Variants in SCAPER observed in about 807,000 individuals in gnomAD.
The protein encoded by SCAPER is S-phase cyclin A associated protein in the ER, also known as S phase cyclin A-associated protein in the endoplasmic reticulum.
In SCAPER, 98 loss-of-function variants were observed where a neutral mutation model predicts 182.2. That is an observed-to-expected ratio of 0.54 (90% confidence interval 0.46 to 0.64). The LOEUF (loss-of-function observed/expected upper bound fraction) is 0.64. Ranked by LOEUF, SCAPER falls within the 30% of genes least tolerant of loss-of-function variation. The pLI, the probability that SCAPER is intolerant of heterozygous loss-of-function variation, is 0.00. For synonymous variants in SCAPER, 605 were observed against 564.6 expected, an observed-to-expected ratio of 1.07 and a Z score of -1.01; for missense variants, 1,432 against 1,690.0, an observed-to-expected ratio of 0.85 and a Z score of 2.68.
rs548453251 is a variant in SCAPER, at chr15:76,546,322, C to T, written c.2838+27836G>A. On this transcript the variant is annotated intron_variant, in intron 23 of 31. Transcript: ENST00000563290. ...CAAATATAAGAAAAAGATAATATAA[C>T]CAAAATCTATGTACCTACTGTCTAC... Among the ~76,000 whole-genome samples the T allele has an allele frequency of 3.0e-4, 46 of 152,008 alleles. 1 individual carries two copies. Among genetic ancestry groups the T allele is most frequent in the Non-Finnish European group, 5.9e-4 (40 of 67,958 alleles).
At chr15:76,673,991 C>CA (rs2057210613) in intron 20 of SCAPER, among the ~76,000 whole-genome samples, 1 of 127,164 alleles carries the variant, frequency 7.9e-6, no homozygotes, top group Non-Finnish European at 1.7e-5. Flanking sequence ...ACACACACAC[C>CA]CCAATCAGAT....
chr15:76,568,190 CATATATATATATAT>C (rs60959582), intron 23 of SCAPER, among the ~76,000 whole-genome samples: 11,058 of 138,494 alleles, frequency 0.08, 540 homozygotes, highest in Middle Eastern at 0.12. Context: ...ATGGATCAAG[CATATATATATATAT>C]ATATATATAT....
intron 23 of SCAPER, among the ~76,000 whole-genome samples, chr15:76,512,537 C>A (rs1184302084): frequency 2.0e-5 from 3 of 151,870 alleles, no homozygotes; most frequent in South Asian, 4.2e-4. Flanking sequence ...TCAAGCAGCA[C>A]CACTGCTATT....
At chr15:76,742,211 A>G (rs1396362147) in intron 15 of SCAPER, among the ~76,000 whole-genome samples, 1 of 151,944 alleles carries the variant, frequency 6.6e-6, no homozygotes. Context: ...GGAAAATCAT[A>G]TAAGGAATTA....
chr15:76,350,513 T>C (rs1017455394), intron 31 of SCAPER: 3 of 152,096 alleles, frequency 2.0e-5, no homozygotes, highest in Non-Finnish European at 4.4e-5. Flanking sequence ...ATCAAACTAA[T>C]GGAAGAATTG....
chr15:76,877,806 CAAG>C (rs1199380975), intron 2 of SCAPER, among the ~76,000 whole-genome samples: 2 of 152,020 alleles, frequency 1.3e-5, no homozygotes, highest in African/African-American at 4.8e-5. Context: ...CTAAATGGAT[CAAG>C]AAGAAAATAA....
intron 5 of SCAPER, among the ~76,000 whole-genome samples, chr15:76,810,814 A>C (rs1236883854): frequency 6.6e-6 from 1 of 152,102 alleles, no homozygotes; most frequent in Non-Finnish European, 1.5e-5. Flanking sequence ...ATTCAAGAAC[A>C]CAAAGAGACA....
chr15:76,431,173 A>C (rs189038131), intron 26 of SCAPER, among the ~76,000 whole-genome samples: 62 of 152,342 alleles, frequency 4.1e-4, no homozygotes, highest in African/African-American at 1.4e-3. Flanking sequence ...AGTAGTGTAA[A>C]AACAGACTAA....
At position 76,428,108 on chromosome 15, in the gene SCAPER, A is replaced by C. The variant is rs557127708; in HGVS notation, c.3311+5970T>G. ...GTGTCTCAAAAAACAAAACAAAACA[A>C]AACAAAACAGATAAAACAAACATTG... On this transcript the variant is annotated intron_variant, in intron 26 of 31. Coordinates refer to ENST00000563290, the MANE Select transcript of SCAPER (RefSeq NM_020843.4). 5.3e-5 allele frequency among the ~76,000 whole-genome samples: 8 copies of C among 152,286 alleles called. No homozygotes were observed. In the South Asian group the frequency reaches 1.7e-3, roughly 32 times the overall value.
At chr15:76,549,831 AAATAT>A (rs1247701653) in intron 23 of SCAPER, among the ~76,000 whole-genome samples, 1 of 152,202 alleles carries the variant, frequency 6.6e-6, no homozygotes, top group African/African-American at 2.4e-5. Flanking sequence ...TGAAAGATTT[AAATAT>A]AAGATCTGAA....
rs183396965 is a variant in SCAPER, at chr15:76,479,443, C to T, written c.2955-8108G>A. The stretch of plus-strand genomic sequence containing the variant: ...TATTGTCCATCCTGTCAAAAGTACC[C>T]TGTGGTTGGGGGTTTGAGATAAAGG... On this transcript the variant is annotated intron_variant, in intron 24 of 31. Transcript: ENST00000563290. 8.2e-4 allele frequency among the ~76,000 whole-genome samples: 125 copies of T among 152,210 alleles called. 1 individual carries two copies. Among genetic ancestry groups the T allele is most frequent in the African/African-American group, 3.0e-3 (123 of 41,532 alleles).
intron 4 of SCAPER, among the ~76,000 whole-genome samples, chr15:76,845,555 C>A (rs1018431669): frequency 2.0e-5 from 3 of 151,814 alleles, no homozygotes; most frequent in African/African-American, 7.3e-5. Context: ...AGTTGCATTT[C>A]TACATGCTAA....
At chr15:76,492,274 T>C (rs1408107888) in intron 24 of SCAPER, among the ~76,000 whole-genome samples, 1 of 152,238 alleles carries the variant, frequency 6.6e-6, no homozygotes, top group Non-Finnish European at 1.5e-5. Context: ...AGATCTCATT[T>C]ACAAGCACAA....
At chr15:76,816,802 G>A (rs967394930) in intron 5 of SCAPER, among the ~76,000 whole-genome samples, 5 of 152,016 alleles carry the variant, frequency 3.3e-5, no homozygotes, top group African/African-American at 7.2e-5. Flanking sequence ...ACAGGCGCCC[G>A]CCACAATGCC....
chr15:76,663,908 C>T (rs987208818), intron 21 of SCAPER, among the ~76,000 whole-genome samples: 1 of 151,858 alleles, frequency 6.6e-6, no homozygotes, highest in Non-Finnish European at 1.5e-5. Flanking sequence ...ATAGAATGGA[C>T]ACAGATGGCA....
chr15:76,651,520 C>A (rs1233690900), intron 21 of SCAPER, among the ~76,000 whole-genome samples: 2 of 150,010 alleles, frequency 1.3e-5, no homozygotes, highest in African/African-American at 4.9e-5. Context: ...TGCAAGCACA[C>A]AATCTTCCTA....
chr15:76,403,230 A>T (rs114722273), intron 27 of SCAPER, among the ~76,000 whole-genome samples: 1 of 152,324 alleles, frequency 6.6e-6, no homozygotes, highest in African/African-American at 2.4e-5. Context: ...TTCCAGATGG[A>T]CAGTGTTTGG....
chr15:76,404,702 T>C (rs1276171803), intron 26 of SCAPER, 23 bp from the exon 27 acceptor site: 1 of 1,604,182 alleles, frequency 6.2e-7, no homozygotes, highest in Non-Finnish European at 8.5e-7. Flanking sequence ...GAGAAATGCA[T>C]GTTATCAATC....
intron 22 of SCAPER, among the ~76,000 whole-genome samples, chr15:76,610,113 G>A (rs1320242212): frequency 1.3e-5 from 2 of 152,070 alleles, no homozygotes; most frequent in Non-Finnish European, 2.9e-5. Context: ...ACTCTACAGA[G>A]GACCCCAAGA....
Sources: gnomAD v4.1 joint callset for allele counts (sites outside exome capture counted in the v4.1 genomes callset) on GRCh38, gnomAD v4.1.1 for gene constraint, MANE v1.5 for transcripts, NCBI Gene and HGNC (gene_info 2026-07-23, HGNC 2026-07-21) for gene names.